LURAP1L: variants seen among roughly 807,000 people sequenced by gnomAD.
LURAP1L encodes the protein leucine rich adaptor protein 1 like, also known as leucine rich adaptor protein 1-like.
Under a neutral mutation model 13.8 loss-of-function variants are expected in LURAP1L, and 12 were observed. That is an observed-to-expected ratio of 0.87 (90% CI 0.56 to 1.41). The LOEUF is 1.41. Ranked by LOEUF, LURAP1L falls within the 40% of genes most tolerant of loss-of-function variation. The probability of loss-of-function intolerance (pLI) is 0.00; values close to 1 mark genes in which losing one functional copy is unlikely to be tolerated. For synonymous variants in LURAP1L, 139 were observed against 119.2 expected (o/e 1.17, Z -1.08); for missense variants, 375 against 292.9 (o/e 1.28, Z -2.04).
chr9:12,808,869 C>T (rs1475880786), intron 1 of LURAP1L, among the ~76,000 whole-genome samples: 1 of 151,998 alleles, frequency 6.6e-6, no homozygotes, highest in African/African-American at 2.4e-5. Context: ...TGTGTCAGTC[C>T]ATTTGCATTG....
At chr9:12,796,979 G>C (rs1324960405) in intron 1 of LURAP1L, among the ~76,000 whole-genome samples, 1 of 151,990 alleles carries the variant, frequency 6.6e-6, no homozygotes, top group Non-Finnish European at 1.5e-5. Context: ...CCTGGCACTT[G>C]TGCTTTATTA....
chr9:12,812,678 G>A lies in LURAP1L; in HGVS notation c.313-8708G>A, dbSNP rs1819753862. Among the ~76,000 whole-genome samples, 4 of 152,258 alleles carry A rather than the reference G, an allele frequency of 2.6e-5. No individual in the cohort carries two copies. In the South Asian group the frequency reaches 8.3e-4, roughly 32 times the overall value. ...AAAGAGAAGATAAAGCATTTGAGTAGAAAAGATGTCAGGAATCATGTAAAA... is the reference window on the plus strand; with the variant it reads ...AAAGAGAAGATAAAGCATTTGAGTAAAAAAGATGTCAGGAATCATGTAAAA... On this transcript the variant is annotated intron_variant, in intron 1 of 1. Coordinates refer to ENST00000319264, the MANE Select transcript of LURAP1L (RefSeq NM_203403.2).
In LURAP1L at chr9:12,821,870, G is replaced by A; in HGVS notation, c.*110G>A. 7.4e-7 allele frequency: 1 copy of A among 1,354,740 alleles called. No individual in the cohort carries two copies. The highest frequency in any genetic ancestry group is 1.0e-6 in the Non-Finnish European group (1 of 1,001,278). 83.9% of individuals were successfully genotyped at this position (1,354,740 alleles called of 1,614,324 possible). A position where few individuals can be genotyped will look rare whatever the true frequency, so the allele number is the denominator to read the frequency against. On this transcript the variant is annotated 3_prime_UTR_variant, in exon 2 of 2. Coordinates refer to ENST00000319264, the MANE Select transcript of LURAP1L (RefSeq NM_203403.2). ...TTTTAATAAGATGACCTTTTTAAAA[G>A]AAGCTGATTTTGAAACTGCTTAATG...
chr9:12,810,769 T>G (rs1819725796), intron 1 of LURAP1L, among the ~76,000 whole-genome samples: 1 of 152,180 alleles, frequency 6.6e-6, no homozygotes, highest in African/African-American at 2.4e-5. Flanking sequence ...CAGGTGTCTC[T>G]TATTGGATGC....
At chr9:12,812,390 GC>G (rs1819748799) in intron 1 of LURAP1L, among the ~76,000 whole-genome samples, 1 of 152,188 alleles carries the variant, frequency 6.6e-6, no homozygotes, top group Non-Finnish European at 1.5e-5. Context: ...TGCTCTAGGA[GC>G]AGCGCCCATC....
At chr9:12,807,415 C>G (rs550489317) in intron 1 of LURAP1L, among the ~76,000 whole-genome samples, 1 of 152,244 alleles carries the variant, frequency 6.6e-6, no homozygotes, top group African/African-American at 2.4e-5. Context: ...CCTTTCCAGG[C>G]AACACAGTTT....
intron 1 of LURAP1L, among the ~76,000 whole-genome samples, chr9:12,809,069 A>T (rs772914291): frequency 3.9e-5 from 6 of 152,220 alleles, no homozygotes; most frequent in Non-Finnish European, 8.8e-5. Context: ...AAGTGACGAG[A>T]TACCACATTC....
chr9:12,805,906 G>T (rs1034506159), intron 1 of LURAP1L, among the ~76,000 whole-genome samples: 1 of 152,164 alleles, frequency 6.6e-6, no homozygotes, highest in African/African-American at 2.4e-5. Context: ...TTAAACAAAT[G>T]TGGAACTTCC....
chr9:12,776,065 G>A, intron 1 of LURAP1L, 38 bp downstream of exon 1: 1 of 1,594,538 alleles, frequency 6.3e-7, no homozygotes, highest in Non-Finnish European at 8.6e-7. Flanking sequence ...CTGGGACCTG[G>A]GCTGGGCCAA....
Position 12,821,537 on chromosome 9 carries a change from G to A in LURAP1L, c.464G>A (p.Ser155Asn). The A allele has an allele frequency of 6.2e-7, 1 of 1,614,162 alleles. No individual in the cohort carries two copies. Among genetic ancestry groups the A allele is most frequent in the Non-Finnish European group, 8.5e-7 (1 of 1,180,028 alleles). The change falls in exon 2 of 2, where the codon AGT (serine) becomes AAT (asparagine). Residue 155 changes from serine (S) to asparagine (N), a missense_variant. Transcript: ENST00000319264. ...LSGSLCSLLE[S>N]QSTSLRGSYN... ...GGCAGCCTGTGCAGTTTGTTGGAGA[G>A]TCAGAGCACCTCCTTACGTGGCAGC...
At chr9:12,805,983 G>A (rs1436070484) in intron 1 of LURAP1L, among the ~76,000 whole-genome samples, 1 of 152,168 alleles carries the variant, frequency 6.6e-6, no homozygotes, top group Non-Finnish European at 1.5e-5. Context: ...AACAGAATCA[G>A]AAGACAAATC....
intron 1 of LURAP1L, among the ~76,000 whole-genome samples, chr9:12,779,182 G>T (rs917620108): frequency 1.7e-4 from 26 of 150,298 alleles, no homozygotes; most frequent in African/African-American, 6.4e-4. Flanking sequence ...ACTACATTTG[G>T]TTACTTTGGT....
intron 1 of LURAP1L, among the ~76,000 whole-genome samples, chr9:12,798,768 T>C (rs1427060577): frequency 6.6e-6 from 1 of 152,210 alleles, no homozygotes; most frequent in Non-Finnish European, 1.5e-5. Context: ...AAATATTTTT[T>C]TGAATTAGTG....
Position 12,782,784 on chromosome 9 carries a change from C to T in LURAP1L, c.312+6757C>T, listed in dbSNP as rs1819290783. ...GTTACTGGTATTTTGATAAGGATTA[C>T]ATTGAATCTGTAGATTGCTTTGAGT... On this transcript the variant is annotated intron_variant, in intron 1 of 1. Coordinates refer to ENST00000319264, the MANE Select transcript of LURAP1L (RefSeq NM_203403.2). Among the ~76,000 whole-genome samples the T allele has an allele frequency of 2.0e-5, 3 of 152,084 alleles. No individual in the cohort carries two copies. In the South Asian group the frequency reaches 6.2e-4, roughly 31 times the overall value.
At chr9:12,818,066 G>C (rs1309697082) in intron 1 of LURAP1L, among the ~76,000 whole-genome samples, 1 of 150,674 alleles carries the variant, frequency 6.6e-6, no homozygotes, top group Non-Finnish European at 1.5e-5. Flanking sequence ...CGTTCTAACT[G>C]ACTTGCTTGT....
intron 1 of LURAP1L, among the ~76,000 whole-genome samples, chr9:12,800,514 G>T (rs1276441121): frequency 3.3e-5 from 5 of 149,474 alleles, no homozygotes; most frequent in Non-Finnish European, 7.4e-5. Context: ...GTTCATAGGG[G>T]TTTAGCAAAA....
intron 1 of LURAP1L, among the ~76,000 whole-genome samples, chr9:12,776,267 CCACTCTGTGTACTTTCGGACAACGCGACT>C (rs1819181758): frequency 6.6e-6 from 1 of 152,136 alleles, no homozygotes. Context: ...TCGGCTGGCT[CCACTCTGTGTACTTTCGGACAACGCGACT>C]CACTGCGCCG....
intron 1 of LURAP1L, among the ~76,000 whole-genome samples, chr9:12,797,304 C>T (rs1819522902): frequency 6.6e-6 from 1 of 151,946 alleles, no homozygotes. Context: ...ACAAAACCAG[C>T]CTAGAAAGAT....
chr9:12,803,918 G>C (rs1008359123), intron 1 of LURAP1L, among the ~76,000 whole-genome samples: 1 of 152,144 alleles, frequency 6.6e-6, no homozygotes, highest in African/African-American at 2.4e-5. Context: ...TATTAGCCCT[G>C]CATCATCACA....
Sources: gnomAD v4.1 joint callset for allele counts (sites outside exome capture counted in the v4.1 genomes callset) on GRCh38, gnomAD v4.1.1 for gene constraint, MANE v1.5 for transcripts, NCBI Gene and HGNC (gene_info 2026-07-23, HGNC 2026-07-21) for gene names.